The following GALNT15 variants were observed in gnomAD, a reference collection of about 807,000 sequenced individuals.
GALNT15 encodes polypeptide N-acetylgalactosaminyltransferase 15.
A neutral mutation model predicts 66.8 loss-of-function variants in GALNT15; 67 were observed. The ratio of observed to expected loss-of-function variants is 1.00; its 90% CI spans 0.82 to 1.23. GALNT15 has a LOEUF of 1.23. Ranked by LOEUF, GALNT15 falls within the 50% of genes most tolerant of loss-of-function variation. The pLI is 0.00. For missense variants in GALNT15, 827 were observed against 804.3 expected, an observed-to-expected ratio of 1.03 and a Z score of -0.34; for synonymous variants, 313 against 311.5, an observed-to-expected ratio of 1.00 and a Z score of -0.05.
In GALNT15 at chr3:16,229,954, A is replaced by AT. The variant is rs1187076670; in HGVS notation, c.*2454_*2455insT. Among the ~76,000 whole-genome samples the AT allele has an allele frequency of 6.6e-6, 1 of 152,216 alleles. No individual in the cohort carries two copies. The highest frequency in any genetic ancestry group is 2.4e-5 in the African/African-American group (1 of 41,454). ...ACAGATGCCTCCATTTAGTTCTAGA[A>AT]GGACCTTCTCCTTTAGTGTAACCAA... On this transcript the variant is annotated 3_prime_UTR_variant, in exon 10 of 10. Coordinates refer to ENST00000339732, the MANE Select transcript of GALNT15 (RefSeq NM_054110.5).
rs2063388836 is a variant in GALNT15 at position 16,174,987 on chromosome 3, G to C, written c.-165G>C. ...GGTTTTCTGATTGTAAGTGGAAGCA[G>C]GTCTTGCACACGCTGTTGGCAAATG... On this transcript the variant is annotated 5_prime_UTR_variant, in exon 1 of 10. Coordinates refer to ENST00000339732, the MANE Select transcript of GALNT15 (RefSeq NM_054110.5). The surrounding 1 kb of genome is among the most constrained non-coding windows in gnomAD (Gnocchi z 4.7). The C allele has an allele frequency of 3.6e-5, 22 of 615,014 alleles. No individual in the cohort carries two copies. The South Asian group carries it at 4.8e-4, about 13-fold the overall frequency. The allele number at this position is 615,014 out of a possible 1,614,324, so 38.1% of individuals were successfully genotyped here. A position where few individuals can be genotyped will look rare whatever the true frequency, so the allele number is the denominator to read the frequency against.
intron 6 of GALNT15, among the ~76,000 whole-genome samples, chr3:16,218,025 G>C (rs995751911): frequency 1.3e-5 from 2 of 152,220 alleles, no homozygotes; most frequent in East Asian, 1.9e-4. Flanking sequence ...AGGAGACATG[G>C]TTAAAATGCA....
At chr3:16,233,378 A>C (rs1391436440), downstream of GALNT15, among the ~76,000 whole-genome samples, 1 of 152,060 alleles carries the variant, frequency 6.6e-6, no homozygotes, top group Non-Finnish European at 1.5e-5. Context: ...TACAGGCGTG[A>C]GCCACCACGC....
chr3:16,214,453 C>T (rs977906311), intron 6 of GALNT15, among the ~76,000 whole-genome samples: 37 of 152,198 alleles, frequency 2.4e-4, no homozygotes, highest in African/African-American at 8.4e-4. Flanking sequence ...AGAATAAATA[C>T]GTTAATAAAT....
intron 6 of GALNT15, among the ~76,000 whole-genome samples, chr3:16,218,333 C>T (rs755344805): frequency 6.6e-6 from 1 of 152,198 alleles, no homozygotes; most frequent in Non-Finnish European, 1.5e-5. Context: ...CGCTTCCTCT[C>T]CCCATGCCAG....
At chr3:16,233,094 CTTTTTTT>C (rs61516679), downstream of GALNT15, among the ~76,000 whole-genome samples, 2 of 61,208 alleles carry the variant, frequency 3.3e-5, no homozygotes, top group African/African-American at 6.6e-5. Context: ...GATAATGCAT[CTTTTTTT>C]TTTTTTTTTT....
chr3:16,222,984 T>C (rs2063963329), intron 9 of GALNT15, among the ~76,000 whole-genome samples: 1 of 152,232 alleles, frequency 6.6e-6, no homozygotes, highest in African/African-American at 2.4e-5. Context: ...GGTCTCTGTG[T>C]AGCTCTGATG....
rs2063728786 is a variant in GALNT15 at position 16,203,746 on chromosome 3, T to C, written c.911+2923T>C. On this transcript the variant is annotated intron_variant, in intron 3 of 9. Transcript: ENST00000339732. This position sits in a 1 kb window ranked among gnomAD's most constrained non-coding sequence, Gnocchi z 6.2. ...GCCCTAGTGTCCAGCTTTTAGGCAC[T>C]GGCAGGTGAGGATCTGGAAGAAAAG... Among the ~76,000 whole-genome samples, 1 of 152,156 alleles carries C rather than the reference T, an allele frequency of 6.6e-6. No homozygotes were observed. Among genetic ancestry groups the C allele is most frequent in the African/African-American group, 2.4e-5 (1 of 41,428 alleles).
At chr3:16,244,293 G>A in the GALNT15 span, among the ~76,000 whole-genome samples, 1 of 152,218 alleles carries the variant, frequency 6.6e-6, no homozygotes. Flanking sequence ...GGGTGACAAA[G>A]CATGATGGTG....
Position 16,203,543 on chromosome 3 carries a change from T to TCTCA in GALNT15, c.911+2721_911+2722insTCAC, listed in dbSNP as rs1491187404. ...CATTCTCTCTCTCTCTCTCTCTCTCTCACACACACACACACACACACACAC... is the reference window on the plus strand; with the variant it reads ...CATTCTCTCTCTCTCTCTCTCTCTCTCTCACACACACACACACACACACACACAC... On this transcript the variant is annotated intron_variant, in intron 3 of 9. Transcript: ENST00000339732. This position sits in a 1 kb window ranked among gnomAD's most constrained non-coding sequence, Gnocchi z 6.2. Among the ~76,000 whole-genome samples the TCTCA allele has an allele frequency of 0.014, 869 of 61,050 alleles. 1 individual carries two copies. The highest frequency in any genetic ancestry group is 0.051 in the East Asian group (92 of 1,794). 40.1% of individuals were successfully genotyped at this position (61,050 alleles called of 152,430 possible). A position where few individuals can be genotyped will look rare whatever the true frequency, so the allele number is the denominator to read the frequency against.
chr3:16,174,988 G>T lies in GALNT15; in HGVS notation c.-164G>T, dbSNP rs878893810. The T allele has an allele frequency of 1.1e-5, 7 of 623,312 alleles. No homozygotes were observed. In the Admixed American group the frequency reaches 1.8e-4, roughly 16 times the overall value. The allele number at this position is 623,312 out of a possible 1,614,324, so 38.6% of individuals were successfully genotyped here. A position where few individuals can be genotyped will look rare whatever the true frequency, so the allele number is the denominator to read the frequency against. Reference sequence around the variant, plus strand: ...GTTTTCTGATTGTAAGTGGAAGCAGGTCTTGCACACGCTGTTGGCAAATGT... The same window carrying T: ...GTTTTCTGATTGTAAGTGGAAGCAGTTCTTGCACACGCTGTTGGCAAATGT... On this transcript the variant is annotated 5_prime_UTR_variant, in exon 1 of 10. Coordinates refer to ENST00000339732, the MANE Select transcript of GALNT15 (RefSeq NM_054110.5). This position sits in a 1 kb window ranked among gnomAD's most constrained non-coding sequence, Gnocchi z 4.7.
At chr3:16,238,165 C>T in the GALNT15 span, among the ~76,000 whole-genome samples, 2 of 152,060 alleles carry the variant, frequency 1.3e-5, no homozygotes, top group Admixed American at 1.3e-4. The surrounding 1 kb of genome is among the most constrained non-coding windows in gnomAD (Gnocchi z 4.8). Flanking sequence ...TGCTTGACTT[C>T]GTGGATTCCA....
chr3:16,202,593 A>C (rs969930649), intron 3 of GALNT15, among the ~76,000 whole-genome samples: 1 of 152,258 alleles, frequency 6.6e-6, no homozygotes, highest in Non-Finnish European at 1.5e-5. Flanking sequence ...AGATCGTGCT[A>C]CTGCACTCCA....
Position 16,228,899 on chromosome 3 carries a change from A to C in GALNT15, c.*1399A>C. 1.0e-6 allele frequency: 1 copy of C among 985,462 alleles called. No individual in the cohort carries two copies. The highest frequency in any genetic ancestry group is 4.7e-5 in the South Asian group (1 of 21,284). The allele number at this position is 985,462 out of a possible 1,614,324, so 61.0% of individuals were successfully genotyped here. ...GTTGAATGTCCATGAGTGTGGGAAGAACACGGCTCATCTGGAGCACAGCTG... is the reference window on the plus strand; with the variant it reads ...GTTGAATGTCCATGAGTGTGGGAAGCACACGGCTCATCTGGAGCACAGCTG... On this transcript the variant is annotated 3_prime_UTR_variant, in exon 10 of 10. Coordinates refer to ENST00000339732, the MANE Select transcript of GALNT15 (RefSeq NM_054110.5).
chr3:16,205,018 C>A (rs1042777038), intron 3 of GALNT15, among the ~76,000 whole-genome samples: 7 of 152,298 alleles, frequency 4.6e-5, no homozygotes, highest in African/African-American at 1.4e-4. Context: ...TCCTGCCCCC[C>A]CAGAGGGAGC....
rs1015953585 is a variant in GALNT15 at position 16,211,573 on chromosome 3, A to G, written c.1197+332A>G. Among the ~76,000 whole-genome samples, 6 of 152,158 alleles carry G rather than the reference A, an allele frequency of 3.9e-5. No homozygotes were observed. The highest frequency in any genetic ancestry group is 1.4e-4 in the African/African-American group (6 of 41,426). On this transcript the variant is annotated intron_variant, in intron 5 of 9. Transcript: ENST00000339732. The surrounding 1 kb of genome is among the most constrained non-coding windows in gnomAD (Gnocchi z 4.3). ...AGCATCTTAGTAATTTTTTCACAGCACCCATAGTCCAAAACAAATACCTGA... is the reference window on the plus strand; with the variant it reads ...AGCATCTTAGTAATTTTTTCACAGCGCCCATAGTCCAAAACAAATACCTGA...
chr3:16,215,906 C>CA (rs10611187), intron 6 of GALNT15, among the ~76,000 whole-genome samples: 1,931 of 102,512 alleles, frequency 0.019, 42 homozygotes, highest in African/African-American at 0.044. Context: ...GAGACTCCGC[C>CA]AAAAAAAAAA....
the GALNT15 span, among the ~76,000 whole-genome samples, chr3:16,240,971 C>T: frequency 6.6e-6 from 1 of 152,234 alleles, no homozygotes; most frequent in East Asian, 1.9e-4. Flanking sequence ...TCTGCTCTAA[C>T]CATGCTCTGT....
chr3:16,217,481 T>C (rs1319282021), intron 6 of GALNT15, among the ~76,000 whole-genome samples: 1 of 152,260 alleles, frequency 6.6e-6, no homozygotes, highest in African/African-American at 2.4e-5. Context: ...AGGTATTTGA[T>C]AGCATGAATT....
Sources: allele counts gnomAD v4.1 joint callset (sites outside exome capture counted in the v4.1 genomes callset), GRCh38; gene constraint gnomAD v4.1.1; non-coding constraint Gnocchi (gnomAD v3.1); transcripts MANE v1.5; gene names NCBI Gene and HGNC (gene_info 2026-07-23, HGNC 2026-07-21).